Variants in ARID1A observed in about 807,000 individuals in gnomAD.
ARID1A encodes the protein AT-rich interactive domain-containing protein 1A.
Under a neutral mutation model 212.6 loss-of-function variants are expected in ARID1A, and 20 were observed. That is an observed-to-expected ratio of 0.09 (90% CI 0.07 to 0.14). The LOEUF is 0.14. Ranked by LOEUF, ARID1A falls within the 10% of genes least tolerant of loss-of-function variation. The pLI is 1.00. For missense variants in ARID1A, 2,587 were observed against 3,059.0 expected, an observed-to-expected ratio of 0.85 and a Z score of 3.64; for synonymous variants, 1,376 against 1,222.1, an observed-to-expected ratio of 1.13 and a Z score of -2.63.
rs1298005381 is a variant in ARID1A at position 26,696,372 on chromosome 1, C to G, written c.-32C>G. Reference sequence around the variant, plus strand: ...GGGGGGGAGAAGACGAAGACAGGGCCGGGTCTCTCCGCGGACGAGACAGCG... The same window carrying G: ...GGGGGGGAGAAGACGAAGACAGGGCGGGGTCTCTCCGCGGACGAGACAGCG... On this transcript the variant is annotated 5_prime_UTR_variant, in exon 1 of 20. Transcript: ENST00000324856. 8.1e-7 allele frequency: 1 copy of G among 1,235,418 alleles called. No homozygotes were observed. Among genetic ancestry groups the G allele is most frequent in the East Asian group, 3.3e-5 (1 of 29,992 alleles). The allele number at this position is 1,235,418 out of a possible 1,614,324, so 76.5% of individuals were successfully genotyped here.
chr1:26,755,861 A>G (rs1489415607), intron 4 of ARID1A, among the ~76,000 whole-genome samples: 1 of 151,110 alleles, frequency 6.6e-6, no homozygotes, highest in African/African-American at 2.4e-5. Flanking sequence ...CTCCTGCCTC[A>G]GCCTCCCGAG....
Position 26,696,742 on chromosome 1 carries a change from G to C in ARID1A, c.339G>C (p.Leu113=). 1 of 1,373,866 alleles carries C rather than the reference G, an allele frequency of 7.3e-7. No homozygotes were observed. The highest frequency in any genetic ancestry group is 9.4e-7 in the Non-Finnish European group (1 of 1,066,422). The allele number at this position is 1,373,866 out of a possible 1,614,324, so 85.1% of individuals were successfully genotyped here. A position where few individuals can be genotyped will look rare whatever the true frequency, so the allele number is the denominator to read the frequency against. The change falls in exon 1 of 20, where the codon CTG becomes CTC. Residue 113 remains leucine, a synonymous_variant. Coordinates refer to ENST00000324856, the MANE Select transcript of ARID1A (RefSeq NM_006015.6). The part of the protein sequence containing the change: ...SNGNAGPRPA[L]NNNLTEPPGG... ...GGAACGCGGGCCCTAGGCCCGCCCT[G>C]AACAATAACCTCACGGAGCCGCCCG...
chr1:26,760,716 A>T (rs1223920728), intron 4 of ARID1A, 140 bp from the exon 5 acceptor site: 2 of 895,420 alleles, frequency 2.2e-6, no homozygotes, highest in Non-Finnish European at 3.1e-6. Flanking sequence ...TTTAATAAAA[A>T]TAGTATCATG....
In ARID1A at chr1:26,761,048, A is replaced by C; in HGVS notation, c.2113A>C (p.Ser705Arg). The C allele has an allele frequency of 6.2e-7, 1 of 1,613,974 alleles. No homozygotes were observed. Among genetic ancestry groups the C allele is most frequent in the Non-Finnish European group, 8.5e-7 (1 of 1,180,004 alleles). ...PSPSPVGSPA[S>R]VAQSRSGPLS... ...CCCGTCCCCTGTTGGCTCTCCCGCC[A>C]GTGTTGCTCAGTCTCGCTCAGGACC... Residue 705 changes from serine to arginine, a missense_variant, in exon 5 of 20, where the codon AGT becomes CGT. Around this residue, in one of 11 missense-constraint regions of ARID1A, gnomAD observed 674 missense variants for 813.4 expected, o/e 0.83. Transcript: ENST00000324856.
At chr1:26,741,878 G>A (rs1010237390) in intron 4 of ARID1A, among the ~76,000 whole-genome samples, 1 of 152,142 alleles carries the variant, frequency 6.6e-6, no homozygotes, top group African/African-American at 2.4e-5. Flanking sequence ...AATTACATTG[G>A]TCTAGAAAGA....
chr1:26,730,622 C>T (rs1570575005), intron 2 of ARID1A, among the ~76,000 whole-genome samples: 1 of 151,586 alleles, frequency 6.6e-6, no homozygotes. Flanking sequence ...TAAATATATC[C>T]CCAGTGCCTA....
At chr1:26,775,889 T>G in intron 19 of ARID1A, 182 bp downstream of exon 19, 1 of 867,800 alleles carries the variant, frequency 1.2e-6, no homozygotes, top group East Asian at 2.7e-5. Flanking sequence ...CAATAATAAT[T>G]TGTTTACATG....
chr1:26,762,227 C>T lies in ARID1A; in HGVS notation c.2327C>T (p.Pro776Leu). ...QPGSALSPRQ[P>L]SGGQIHTGMG... is the part of the protein sequence containing the mutation. Reference sequence around the variant, plus strand: ...GGCTCAGCCTTATCTCCGCGTCAGCCTTCCGGAGGACAGATACACACAGGC... The same window carrying T: ...GGCTCAGCCTTATCTCCGCGTCAGCTTTCCGGAGGACAGATACACACAGGC... Residue 776 changes from proline to leucine, a missense_variant, in exon 7 of 20, where the codon CCT (proline) becomes CTT (leucine). Pro to Leu is a moderately conservative substitution (Grantham distance 98, BLOSUM62 -3). This residue lies in a region of ARID1A where 674 missense variants were observed against 813.4 expected (regional missense o/e 0.83). Transcript: ENST00000324856. 1.2e-6 allele frequency: 2 copies of T among 1,614,214 alleles called. No homozygotes were observed. The highest frequency in any genetic ancestry group is 1.1e-5 in the South Asian group (1 of 91,086).
intron 4 of ARID1A, among the ~76,000 whole-genome samples, chr1:26,754,005 C>T (rs1359726551): frequency 6.6e-6 from 1 of 152,048 alleles, no homozygotes; most frequent in Admixed American, 6.6e-5. Flanking sequence ...GATGGGGTTT[C>T]ACTGTGTTAG....
At chr1:26,701,890 G>C (rs1187801195) in intron 1 of ARID1A, among the ~76,000 whole-genome samples, 2 of 152,162 alleles carry the variant, frequency 1.3e-5, no homozygotes, top group South Asian at 2.1e-4. Flanking sequence ...CCTGGCTGGT[G>C]GTTTTAAAAC....
Position 26,763,159 on chromosome 1 carries a change from G to T in ARID1A, c.2606G>T (p.Gly869Val), listed in dbSNP as rs2124069437. 1 of 1,614,264 alleles carries T rather than the reference G, an allele frequency of 6.2e-7. No homozygotes were observed. The highest frequency in any genetic ancestry group is 1.1e-5 in the South Asian group (1 of 91,092). ...SHASMGNRPYGPNMANMPPQV... is the reference protein window; with the variant it reads ...SHASMGNRPYVPNMANMPPQV... ...GCCTCCATGGGCAACCGGCCTTATG[G>T]CCCTAACATGGCCAATATGCCACCT... Residue 869 changes from glycine to valine, a missense_variant, in exon 8 of 20, where the codon GGC (glycine) becomes GTC (valine). Physicochemically the swap from Gly to Val is moderately radical, Grantham distance 109. Transcript: ENST00000324856.
Position 26,696,126 on chromosome 1 carries a change from G to A in ARID1A, c.-278G>A, listed in dbSNP as rs2080247467. The A allele has an allele frequency of 6.4e-6, 3 of 472,042 alleles. No homozygotes were observed. The highest frequency in any genetic ancestry group is 1.8e-4 in the South Asian group (2 of 10,832). 29.2% of individuals were successfully genotyped at this position (472,042 alleles called of 1,614,324 possible). ...GCAAGGGCTTGGGGGGAATGAGCCG[G>A]GAGAGCCGGGTCCCGAGCCTACAGA... On this transcript the variant is annotated 5_prime_UTR_variant, in exon 1 of 20. Coordinates refer to ENST00000324856, the MANE Select transcript of ARID1A (RefSeq NM_006015.6).
At chr1:26,728,612 T>C (rs952851113) in intron 1 of ARID1A, among the ~76,000 whole-genome samples, 3 of 152,208 alleles carry the variant, frequency 2.0e-5, no homozygotes, top group Non-Finnish European at 2.9e-5. Context: ...AACTCCTTCA[T>C]GTGACGGTTA....
chr1:26,776,508 C>T (rs1394898586), intron 19 of ARID1A, among the ~76,000 whole-genome samples: 4 of 151,808 alleles, frequency 2.6e-5, no homozygotes, highest in Non-Finnish European at 4.4e-5. Flanking sequence ...CTCCTGACCT[C>T]GTGATCCAGC....
chr1:26,765,085 C>T (rs2081026520), intron 8 of ARID1A: 2 of 152,354 alleles, frequency 1.3e-5, no homozygotes, highest in Middle Eastern at 3.4e-3. Flanking sequence ...GTAATCCCAG[C>T]TACTCACGAG....
At chr1:26,740,426 T>C (rs960242572) in intron 4 of ARID1A, among the ~76,000 whole-genome samples, 3 of 152,222 alleles carry the variant, frequency 2.0e-5, no homozygotes, top group Admixed American at 6.5e-5. Context: ...AGAAGTCATG[T>C]TGAAGTTCAG....
At chr1:26,713,729 T>C (rs1190503940) in intron 1 of ARID1A, among the ~76,000 whole-genome samples, 1 of 152,200 alleles carries the variant, frequency 6.6e-6, no homozygotes, top group East Asian at 1.9e-4. Flanking sequence ...TATGTCTGAT[T>C]AACAAGTTCC....
chr1:26,727,235 A>G (rs1185268433), intron 1 of ARID1A, among the ~76,000 whole-genome samples: 3 of 152,222 alleles, frequency 2.0e-5, no homozygotes, highest in African/African-American at 4.8e-5. Context: ...AAGTCTATCA[A>G]ATTACTACAC....
intron 4 of ARID1A, among the ~76,000 whole-genome samples, chr1:26,758,662 C>CCT (rs1308470417): frequency 2.6e-5 from 4 of 151,926 alleles, no homozygotes; most frequent in African/African-American, 9.7e-5. Flanking sequence ...GGATGTAATC[C>CCT]CTCTATCTTG....
Sources: allele counts gnomAD v4.1 joint callset (sites outside exome capture counted in the v4.1 genomes callset), GRCh38; gene constraint gnomAD v4.1.1; regional missense constraint gnomAD v4.1.1; transcripts MANE v1.5; gene names NCBI Gene and HGNC (gene_info 2026-07-23, HGNC 2026-07-21).